ADPRM: variants seen among roughly 807,000 people sequenced by gnomAD.
The protein encoded by ADPRM is ADP-ribose/CDP-alcohol diphosphatase, manganese dependent, also known as manganese-dependent ADP-ribose/CDP-alcohol diphosphatase.
In ADPRM, 17 loss-of-function variants were observed where a neutral mutation model predicts 27.2. The ratio of observed to expected loss-of-function variants is 0.63; its 90% CI spans 0.43 to 0.94. ADPRM has a LOEUF of 0.94. ADPRM is among the 40% of genes least tolerant of loss of function. The pLI is 0.00. For missense variants in ADPRM, 337 were observed against 412.8 expected (o/e 0.82, Z 1.59); for synonymous variants, 135 against 145.3 (o/e 0.93, Z 0.51).
At chr17:10,706,667 A>G (rs1272484584) in intron 3 of ADPRM, 113 bp downstream of exon 3, 2 of 663,996 alleles carry the variant, frequency 3.0e-6, no homozygotes, top group Non-Finnish European at 2.3e-6. Context: ...TAAAATGGAC[A>G]CTTAGTTTAA....
At chr17:10,701,869 C>T (rs534025952) in intron 1 of ADPRM, among the ~76,000 whole-genome samples, 103 of 152,248 alleles carry the variant, frequency 6.8e-4, no homozygotes, top group African/African-American at 2.4e-3. Flanking sequence ...TTCTGAGCTC[C>T]CCCTACATGT....
chr17:10,711,030 C>T lies in ADPRM; in HGVS notation c.915C>T (p.Asp305=). Residue 305 remains aspartate, a synonymous_variant, in exon 4 of 4, where the codon GAC becomes GAT. Transcript: ENST00000379774. ...AAGGAGTTATTGAAACAGCTCCAGA[C>T]AGCCAAGCCTTTGGCACAGTTCATG... ...NLEGVIETAP[D]SQAFGTVHVY... 6.2e-7 allele frequency: 1 copy of T among 1,614,138 alleles called. No homozygotes were observed. Among genetic ancestry groups the T allele is most frequent in the South Asian group, 1.1e-5 (1 of 91,082 alleles).
At chr17:10,710,335 C>A (rs2074842870) in intron 3 of ADPRM, among the ~76,000 whole-genome samples, 1 of 152,232 alleles carries the variant, frequency 6.6e-6, no homozygotes, top group Non-Finnish European at 1.5e-5. Flanking sequence ...CTCCTGACCT[C>A]AGGTGATCCG....
chr17:10,706,096 C>T (rs2074810926), intron 2 of ADPRM, among the ~76,000 whole-genome samples: 1 of 152,084 alleles, frequency 6.6e-6, no homozygotes, highest in South Asian at 2.1e-4. Flanking sequence ...TGGAGTAAGA[C>T]TTGAGCATTG....
chr17:10,705,172 G>A lies in ADPRM; in HGVS notation c.246G>A (p.Gln82=). The A allele has an allele frequency of 6.2e-7, 1 of 1,614,112 alleles. No individual in the cohort carries two copies. Among genetic ancestry groups the A allele is most frequent in the Non-Finnish European group, 8.5e-7 (1 of 1,180,004 alleles). ...LGDIIDGYNA[Q]YNASKKSLEL... ...ATATCATCGATGGATATAATGCACA[G>A]TATAATGCATCCAAAAAGTCCCTAG... The change falls in exon 2 of 4, where the codon CAG becomes CAA. Residue 82 remains glutamine, a synonymous_variant. Coordinates refer to ENST00000379774, the MANE Select transcript of ADPRM (RefSeq NM_020233.5). This position sits in a 1 kb window ranked among gnomAD's most constrained non-coding sequence, Gnocchi z 5.4.
At position 10,705,572 on chromosome 17, in the gene ADPRM, ATTC is replaced by A; in HGVS notation, c.601+49_601+51del. 1 of 1,584,808 alleles carries A rather than the reference ATTC, an allele frequency of 6.3e-7. No homozygotes were observed. The highest frequency in any genetic ancestry group is 8.6e-7 in the Non-Finnish European group (1 of 1,166,766). On this transcript the variant is annotated intron_variant, in intron 2 of 3. Transcript: ENST00000379774. This position sits in a 1 kb window ranked among gnomAD's most constrained non-coding sequence, Gnocchi z 5.4. Reference sequence around the variant, plus strand: ...TGAGAATCTAATAGATTGTCTTTAAATTCTTCAGCTACCTTTTATTCAGCAGGA... The same window carrying A: ...TGAGAATCTAATAGATTGTCTTTAAATTCAGCTACCTTTTATTCAGCAGGA...
Position 10,701,476 on chromosome 17 carries a change from G to A in ADPRM, c.-17-3434G>A, listed in dbSNP as rs188054949. 0.014 allele frequency among the ~76,000 whole-genome samples: 2,088 copies of A among 151,830 alleles called. 79 individuals are homozygous for A. In the East Asian group the frequency reaches 0.15, roughly 11 times the overall value. On this transcript the variant is annotated intron_variant, in intron 1 of 3. Coordinates refer to ENST00000379774, the MANE Select transcript of ADPRM (RefSeq NM_020233.5). ...CTCCTGAGTAGCTGGGACTACAGGC[G>A]CCTGCCACCACACCCGGCTAATTTT...
Position 10,705,355 on chromosome 17 carries a change from T to C in ADPRM, c.429T>C (p.Pro143=). 6.2e-7 allele frequency: 1 copy of C among 1,614,024 alleles called. No homozygotes were observed. Among genetic ancestry groups the C allele is most frequent in the Non-Finnish European group, 8.5e-7 (1 of 1,179,988 alleles). Reference sequence around the variant, plus strand: ...TTGTACATCATCCTGAGACCATGCCTTCAGAAGATTATTATGCTTATCATT... The same window carrying C: ...TTGTACATCATCCTGAGACCATGCCCTCAGAAGATTATTATGCTTATCATT... ...DQIVHHPETM[P]SEDYYAYHFV... The change falls in exon 2 of 4, where the codon CCT becomes CCC. Residue 143 remains proline, a synonymous_variant. Transcript: ENST00000379774. This position sits in a 1 kb window ranked among gnomAD's most constrained non-coding sequence, Gnocchi z 5.4.
chr17:10,708,450 A>AAC (rs57337863), intron 3 of ADPRM, among the ~76,000 whole-genome samples: 17 of 118,958 alleles, frequency 1.4e-4, no homozygotes, highest in South Asian at 7.7e-4. Flanking sequence ...AAAAAAAAAA[A>AAC]CCTTTGAAAA....
Position 10,703,122 on chromosome 17 carries a change from A to G in ADPRM, c.-17-1788A>G, listed in dbSNP as rs1451949286. Among the ~76,000 whole-genome samples, 3 of 152,154 alleles carry G rather than the reference A, an allele frequency of 2.0e-5. No homozygotes were observed. In the East Asian group the frequency reaches 5.8e-4, roughly 29 times the overall value. ...CAACCTTGGTGATAATATTCATGTT[A>G]TATACTTGCTAAGTTATCTTCTGAT... On this transcript the variant is annotated intron_variant, in intron 1 of 3. Transcript: ENST00000379774.
intron 3 of ADPRM, among the ~76,000 whole-genome samples, chr17:10,710,616 C>T (rs114613063): frequency 3.3e-3 from 500 of 152,266 alleles, no homozygotes; most frequent in African/African-American, 0.011. Context: ...CAGCCTGTCG[C>T]GCCTCATGTG....
chr17:10,706,346 GA>G, intron 2 of ADPRM, 91 bp from the exon 3 acceptor site: 1 of 801,076 alleles, frequency 1.2e-6, no homozygotes. Flanking sequence ...TATTCCTAAA[GA>G]AAAAACAAGT....
At chr17:10,703,799 A>G (rs1025086219) in intron 1 of ADPRM, among the ~76,000 whole-genome samples, 1 of 152,220 alleles carries the variant, frequency 6.6e-6, no homozygotes, top group Non-Finnish European at 1.5e-5. Flanking sequence ...CTTTATGACA[A>G]AAATCGTTGA....
chr17:10,711,197 AC>A lies in ADPRM; in HGVS notation c.*54del. ...TGAGCTTTGTGTTTGTCCCTCCTAAACAAAAAAATAAAAATCCTCTGTCTCA... is the reference window on the plus strand; with the variant it reads ...TGAGCTTTGTGTTTGTCCCTCCTAAAAAAAAAATAAAAATCCTCTGTCTCA... On this transcript the variant is annotated 3_prime_UTR_variant, in exon 4 of 4. Transcript: ENST00000379774. The A allele has an allele frequency of 7.1e-7, 1 of 1,411,664 alleles. No homozygotes were observed. Among genetic ancestry groups the A allele is most frequent in the East Asian group, 2.3e-5 (1 of 43,164 alleles). The allele number at this position is 1,411,664 out of a possible 1,614,324, so 87.4% of individuals were successfully genotyped here. A position where few individuals can be genotyped will look rare whatever the true frequency, so the allele number is the denominator to read the frequency against.
chr17:10,705,313 G>A lies in ADPRM; in HGVS notation c.387G>A (p.Lys129=), dbSNP rs1567580186. 1 of 1,613,924 alleles carries A rather than the reference G, an allele frequency of 6.2e-7. No homozygotes were observed. Among genetic ancestry groups the A allele is most frequent in the Non-Finnish European group, 8.5e-7 (1 of 1,179,984 alleles). ...EYLTHSKLNT[K]FLEDQIVHHP... ...TAACACACTCTAAACTTAACACTAA[G>A]TTTCTAGAAGATCAGATTGTACATC... Residue 129 remains lysine, a synonymous_variant, in exon 2 of 4, where the codon AAG becomes AAA. Coordinates refer to ENST00000379774, the MANE Select transcript of ADPRM (RefSeq NM_020233.5). This position sits in a 1 kb window ranked among gnomAD's most constrained non-coding sequence, Gnocchi z 5.4.
In ADPRM at chr17:10,705,674, A is replaced by G; in HGVS notation, c.601+147A>G. 1 of 1,279,788 alleles carries G rather than the reference A, an allele frequency of 7.8e-7. No individual in the cohort carries two copies. The highest frequency in any genetic ancestry group is 1.0e-6 in the Non-Finnish European group (1 of 955,658). 79.3% of individuals were successfully genotyped at this position (1,279,788 alleles called of 1,614,324 possible). ...ATTTCTCACAAGCCTTCTCACATGG[A>G]TTGGTTACAGTTGATTCAAGATTGA... On this transcript the variant is annotated intron_variant, in intron 2 of 3. Coordinates refer to ENST00000379774, the MANE Select transcript of ADPRM (RefSeq NM_020233.5). The surrounding 1 kb of genome is among the most constrained non-coding windows in gnomAD (Gnocchi z 5.4).
intron 3 of ADPRM, among the ~76,000 whole-genome samples, chr17:10,708,943 C>T (rs982440017): frequency 2.6e-5 from 4 of 152,196 alleles, no homozygotes; most frequent in Non-Finnish European, 5.9e-5. Flanking sequence ...CATGGCGGTA[C>T]ACCTATCTAA....
At chr17:10,700,563 G>A (rs2074769633) in intron 1 of ADPRM, among the ~76,000 whole-genome samples, 1 of 149,918 alleles carries the variant, frequency 6.7e-6, no homozygotes, top group South Asian at 2.1e-4. Context: ...ACCAGCCTGG[G>A]CAACATGGCA....
intron 3 of ADPRM, among the ~76,000 whole-genome samples, chr17:10,709,952 G>GT (rs2074840208): frequency 1.3e-5 from 2 of 152,120 alleles, no homozygotes; most frequent in African/African-American, 4.8e-5. Context: ...AATCTTCCCT[G>GT]TTTTAACTCA....
Sources: gnomAD v4.1 joint callset for allele counts (sites outside exome capture counted in the v4.1 genomes callset) on GRCh38, gnomAD v4.1.1 for gene constraint, Gnocchi (gnomAD v3.1) non-coding constraint, MANE v1.5 for transcripts, NCBI Gene and HGNC (gene_info 2026-07-23, HGNC 2026-07-21) for gene names.